SLC30A3: variants seen among roughly 807,000 people sequenced by gnomAD.
SLC30A3 encodes the protein probable proton-coupled zinc antiporter SLC30A3.
Under a neutral mutation model 35.6 loss-of-function variants are expected in SLC30A3, and 20 were observed. The observed-to-expected ratio is 0.56, with a 90% CI of 0.39 to 0.82. The LOEUF is 0.82. SLC30A3 is among the 40% of genes least tolerant of loss of function. SLC30A3 has a pLI of 0.00. For synonymous variants in SLC30A3, 217 were observed against 224.7 expected, an observed-to-expected ratio of 0.97 and a Z score of 0.31; for missense variants, 401 against 530.6, an observed-to-expected ratio of 0.76 and a Z score of 2.40.
At chr2:27,264,148 G>A (rs1677374563), upstream of SLC30A3, 8 of 1,007,622 alleles carry the variant, frequency 7.9e-6, no homozygotes, top group Admixed American at 1.4e-4. The surrounding 1 kb of genome is among the most constrained non-coding windows in gnomAD (Gnocchi z 6.1). Flanking sequence ...GTGAAGAGGA[G>A]GGTCCGTAGG....
rs748723308 is a variant in SLC30A3 at position 27,257,268 on chromosome 2, A to G, written c.663T>C (p.Pro221=). The change falls in exon 5 of 8, where the codon CCT becomes CCC. Residue 221 remains proline, a synonymous_variant. Coordinates refer to ENST00000233535, the MANE Select transcript of SLC30A3 (RefSeq NM_003459.5). The surrounding 1 kb of genome is among the most constrained non-coding windows in gnomAD (Gnocchi z 4.7). The part of the protein sequence containing the change: ...GAEYAPLEEG[P]EEPLPLGNTS... ...TGTTCCCCAGGGGCAGGGGCTCTTC[A>G]GGCCCCTCCTCCAGCGGTGCATACT... 4.3e-6 allele frequency: 7 copies of G among 1,613,808 alleles called. No individual in the cohort carries two copies. The highest frequency in any genetic ancestry group is 5.9e-6 in the Non-Finnish European group (7 of 1,179,876).
intron 1 of SLC30A3, among the ~76,000 whole-genome samples, chr2:27,269,487 G>A (rs1240149270): frequency 1.3e-5 from 2 of 152,020 alleles, no homozygotes; most frequent in Non-Finnish European, 2.9e-5. Context: ...GCTTACAGGT[G>A]TGAGCCACCA....
At chr2:27,274,806 T>A (rs1430660457) in intron 1 of SLC30A3, among the ~76,000 whole-genome samples, 1 of 152,224 alleles carries the variant, frequency 6.6e-6, no homozygotes, top group East Asian at 1.9e-4. Flanking sequence ...AAGGTTATTA[T>A]ATTATCAAAT....
At chr2:27,261,625 T>C (rs756950816) in intron 1 of SLC30A3, among the ~76,000 whole-genome samples, 2 of 152,076 alleles carry the variant, frequency 1.3e-5, no homozygotes, top group African/African-American at 2.4e-5. Context: ...GGTGTGGGCA[T>C]GTGGGGTGGC....
At chr2:27,256,625 T>C in intron 6 of SLC30A3, 105 bp from the exon 7 acceptor site, 2 of 1,498,830 alleles carry the variant, frequency 1.3e-6, no homozygotes, top group Non-Finnish European at 1.8e-6. Flanking sequence ...CACTCTCCTT[T>C]TGACCCCTAC....
At position 27,262,551 on chromosome 2, in the gene SLC30A3, T is replaced by G. The variant is rs967680550; in HGVS notation, c.95+261A>C. Among the ~76,000 whole-genome samples the G allele has an allele frequency of 6.7e-6, 1 of 149,332 alleles. No individual in the cohort carries two copies. Among genetic ancestry groups the G allele is most frequent in the Admixed American group, 6.6e-5 (1 of 15,092 alleles). Reference sequence around the variant, plus strand: ...AGGCGCCGCGGGGGTGGCGGAGGGGTCCGGCGGCCTGGGACGCCGGCCGGA... The same window carrying G: ...AGGCGCCGCGGGGGTGGCGGAGGGGGCCGGCGGCCTGGGACGCCGGCCGGA... On this transcript the variant is annotated intron_variant, in intron 1 of 7. Coordinates refer to ENST00000233535, the MANE Select transcript of SLC30A3 (RefSeq NM_003459.5). The surrounding 1 kb of genome is among the most constrained non-coding windows in gnomAD (Gnocchi z 7.5).
intron 1 of SLC30A3, among the ~76,000 whole-genome samples, chr2:27,270,394 T>A (rs1195041244): frequency 6.6e-6 from 1 of 151,520 alleles, no homozygotes; most frequent in Non-Finnish European, 1.5e-5. Flanking sequence ...AACAAGAAAA[T>A]GGGGTTCTAA....
chr2:27,264,703 G>A (rs979114756), upstream of SLC30A3, among the ~76,000 whole-genome samples: 2 of 152,236 alleles, frequency 1.3e-5, no homozygotes, highest in South Asian at 2.1e-4. The surrounding 1 kb of genome is among the most constrained non-coding windows in gnomAD (Gnocchi z 6.1). Flanking sequence ...GGAGCGAGGG[G>A]GTCGTTCTCC....
intron 1 of SLC30A3, among the ~76,000 whole-genome samples, chr2:27,261,779 G>A (rs1322562148): frequency 2.6e-5 from 4 of 152,124 alleles, no homozygotes; most frequent in Non-Finnish European, 5.9e-5. Context: ...AGAGATGCCA[G>A]GCCTACGGCA....
chr2:27,262,774 G>T lies in SLC30A3; in HGVS notation c.95+38C>A. 6.7e-7 allele frequency: 1 copy of T among 1,482,420 alleles called. No individual in the cohort carries two copies. The highest frequency in any genetic ancestry group is 2.8e-5 in the Admixed American group (1 of 36,080). 91.8% of individuals were successfully genotyped at this position (1,482,420 alleles called of 1,614,324 possible). On this transcript the variant is annotated intron_variant, in intron 1 of 7. Coordinates refer to ENST00000233535, the MANE Select transcript of SLC30A3 (RefSeq NM_003459.5). This position sits in a 1 kb window ranked among gnomAD's most constrained non-coding sequence, Gnocchi z 7.5. Reference sequence around the variant, plus strand: ...GAAATGGACGGAGGGTAGTAGGGTGGCGCCCCCGGGCCGAGGGCCAGCCCA... The same window carrying T: ...GAAATGGACGGAGGGTAGTAGGGTGTCGCCCCCGGGCCGAGGGCCAGCCCA...
chr2:27,267,283 C>T (rs975634907), upstream of SLC30A3, among the ~76,000 whole-genome samples: 5 of 152,144 alleles, frequency 3.3e-5, no homozygotes, highest in African/African-American at 1.2e-4. Flanking sequence ...ATGTTTCCAT[C>T]CTTACTGCCT....
intron 1 of SLC30A3, 108 bp from the exon 2 acceptor site, chr2:27,259,042 G>A (rs1393195042): frequency 1.4e-5 from 12 of 881,372 alleles, no homozygotes; most frequent in Non-Finnish European, 1.9e-5. Context: ...CCTTCCCCAG[G>A]CCTGGTCGTA....
intron 1 of SLC30A3, chr2:27,259,184 C>G (rs760124701): frequency 2.0e-5 from 8 of 396,996 alleles, no homozygotes; most frequent in Non-Finnish European, 3.1e-5. Flanking sequence ...TACAGACGGT[C>G]TAGTCTAACT....
chr2:27,264,526 G>A (rs1161053511), upstream of SLC30A3, among the ~76,000 whole-genome samples: 1 of 152,168 alleles, frequency 6.6e-6, no homozygotes, highest in East Asian at 1.9e-4. This position sits in a 1 kb window ranked among gnomAD's most constrained non-coding sequence, Gnocchi z 6.1. Flanking sequence ...TGTGCGGGCG[G>A]CGCGTGCGAA....
Position 27,257,071 on chromosome 2 carries a change from A to G in SLC30A3, c.777+83T>C, listed in dbSNP as rs1261319337. 1 of 1,392,508 alleles carries G rather than the reference A, an allele frequency of 7.2e-7. No homozygotes were observed. 86.3% of individuals were successfully genotyped at this position (1,392,508 alleles called of 1,614,324 possible). A position where few individuals can be genotyped will look rare whatever the true frequency, so the allele number is the denominator to read the frequency against. The stretch of plus-strand genomic sequence containing the variant: ...GGAGGGAGGAGCTGGAGGGAGGAGG[A>G]AGGAAGCTTTGGGACCTGGGAAGGA... On this transcript the variant is annotated intron_variant, in intron 5 of 7. Transcript: ENST00000233535. The surrounding 1 kb of genome is among the most constrained non-coding windows in gnomAD (Gnocchi z 4.7).
chr2:27,258,326 G>A lies in SLC30A3; in HGVS notation c.278-19C>T, dbSNP rs773471123. ...TACCCGCCTGCCAGGGTGAAATGAT[G>A]GAGTCTGCTTCCATTTAGAAAATAT... On this transcript the variant is annotated intron_variant, in intron 2 of 7. Coordinates refer to ENST00000233535, the MANE Select transcript of SLC30A3 (RefSeq NM_003459.5). This position sits in a 1 kb window ranked among gnomAD's most constrained non-coding sequence, Gnocchi z 4.0. 3 of 1,512,420 alleles carry A rather than the reference G, an allele frequency of 2.0e-6. No individual in the cohort carries two copies. The East Asian group carries it at 6.8e-5, about 35-fold the overall frequency. The allele number at this position is 1,512,420 out of a possible 1,614,324, so 93.7% of individuals were successfully genotyped here. A position where few individuals can be genotyped will look rare whatever the true frequency, so the allele number is the denominator to read the frequency against.
upstream of SLC30A3, among the ~76,000 whole-genome samples, chr2:27,266,872 G>A (rs571944114): frequency 3.5e-4 from 54 of 152,268 alleles, no homozygotes; most frequent in African/African-American, 1.3e-3. Flanking sequence ...ACTCCAGCCT[G>A]GATGACAGGT....
rs773363972 is a variant in SLC30A3 at position 27,256,486 on chromosome 2, C to A, written c.918G>T (p.Arg306=). The A allele has an allele frequency of 1.2e-6, 2 of 1,613,972 alleles. No homozygotes were observed. Among genetic ancestry groups the A allele is most frequent in the African/African-American group, 2.7e-5 (2 of 74,886 alleles). Residue 306 remains arginine (R), a synonymous_variant, in exon 7 of 8, where the codon CGG becomes CGT. Transcript: ENST00000233535. Reference sequence around the variant, plus strand: ...CTCCTGGCACCGACAACAGCGTATCCCGCACAGGTTCGAACCCCACATTGC... The same window carrying A: ...CTCCTGGCACCGACAACAGCGTATCACGCACAGGTTCGAACCCCACATTGC... ...TPRNVGFEPV[R]DTLLSVPGVR...
intron 1 of SLC30A3, among the ~76,000 whole-genome samples, chr2:27,272,668 G>C (rs945596652): frequency 6.6e-6 from 1 of 151,166 alleles, no homozygotes; most frequent in African/African-American, 2.4e-5. Flanking sequence ...CCTCGTGATC[G>C]ACCCGCCTCG....
Sources: allele counts gnomAD v4.1 joint callset (sites outside exome capture counted in the v4.1 genomes callset), GRCh38; gene constraint gnomAD v4.1.1; non-coding constraint Gnocchi (gnomAD v3.1); transcripts MANE v1.5; gene names NCBI Gene and HGNC (gene_info 2026-07-23, HGNC 2026-07-21).